Variants in LDHC observed in about 807,000 individuals in gnomAD.
LDHC encodes the protein lactate dehydrogenase C, also known as L-lactate dehydrogenase C chain.
A neutral mutation model predicts 30.2 loss-of-function variants in LDHC; 20 were observed. That is an observed-to-expected ratio of 0.66 (90% CI 0.47 to 0.96). The LOEUF is 0.96. LDHC is among the 40% of genes least tolerant of loss of function. The pLI is 0.00. For missense variants in LDHC, 362 were observed against 394.9 expected (o/e 0.92, Z 0.71); for synonymous variants, 139 against 132.7 (o/e 1.05, Z -0.32).
At chr11:18,428,040 C>T (rs1472818741) in intron 3 of LDHC, among the ~76,000 whole-genome samples, 1 of 151,586 alleles carries the variant, frequency 6.6e-6, no homozygotes, top group Non-Finnish European at 1.5e-5. Flanking sequence ...GCAGGAAAAA[C>T]AACAGTGTTC....
intron 3 of LDHC, among the ~76,000 whole-genome samples, chr11:18,424,901 G>A (rs1019443076): frequency 6.6e-6 from 1 of 151,968 alleles, no homozygotes; most frequent in Non-Finnish European, 1.5e-5. Context: ...CCAGCTACTC[G>A]GGAGGCTGAG....
At chr11:18,432,322 A>T (rs1439563595) in intron 4 of LDHC, among the ~76,000 whole-genome samples, 1 of 152,172 alleles carries the variant, frequency 6.6e-6, no homozygotes, top group Non-Finnish European at 1.5e-5. Flanking sequence ...CTGTGGTCTG[A>T]GAGTGCTTGA....
At chr11:18,426,029 A>G (rs66496958) in intron 3 of LDHC, among the ~76,000 whole-genome samples, 2,321 of 133,996 alleles carry the variant, frequency 0.017, 49 homozygotes, top group African/African-American at 0.066. Flanking sequence ...ATTAGCCACA[A>G]TTTTTTTTTT....
intron 3 of LDHC, among the ~76,000 whole-genome samples, chr11:18,424,612 A>G (rs1848129224): frequency 6.6e-6 from 1 of 152,234 alleles, no homozygotes; most frequent in South Asian, 2.1e-4. Flanking sequence ...CACAGCAGTG[A>G]AAATGAAGAA....
intron 4 of LDHC, among the ~76,000 whole-genome samples, chr11:18,430,738 A>G (rs575346956): frequency 1.3e-5 from 2 of 152,326 alleles, no homozygotes; most frequent in African/African-American, 4.8e-5. Flanking sequence ...GTTTTGGGCT[A>G]TTATGAGTGA....
chr11:18,424,922 C>T (rs112320979), intron 3 of LDHC, among the ~76,000 whole-genome samples: 22,737 of 152,136 alleles, frequency 0.15, 1,882 homozygotes, highest in African/African-American at 0.21. Context: ...GCAGGAGAAT[C>T]GCTTGAACCT....
rs762530928 is a variant in LDHC at position 18,436,481 on chromosome 11, G to GATTTT, written c.592+1568_592+1569insATTTT. 1.4e-3 allele frequency among the ~76,000 whole-genome samples: 149 copies of GATTTT among 108,162 alleles called. 1 individual carries two copies. The highest frequency in any genetic ancestry group is 6.8e-3 in the Middle Eastern group (1 of 146). 71.0% of individuals were successfully genotyped at this position (108,162 alleles called of 152,430 possible). ...TTACTCTCCTTTGGGATAATACAAA[G>GATTTT]TTTTTTTTTTTTTTTTTTTTTTGAG... On this transcript the variant is annotated intron_variant, in intron 5 of 7. Transcript: ENST00000541669.
At chr11:18,424,241 G>A (rs1042075670) in intron 3 of LDHC, among the ~76,000 whole-genome samples, 5 of 152,078 alleles carry the variant, frequency 3.3e-5, no homozygotes, top group Admixed American at 6.6e-5. Flanking sequence ...AATTAGCCGG[G>A]CATGGTGGTG....
chr11:18,415,066 C>A (rs1866982100), intron 2 of LDHC, 118 bp from the exon 3 acceptor site: 2 of 561,198 alleles, frequency 3.6e-6, no homozygotes, highest in Middle Eastern at 4.3e-4. Flanking sequence ...ATTTTTATAT[C>A]ATTTTTCCCT....
At chr11:18,415,118 A>C in intron 2 of LDHC, 66 bp from the exon 3 acceptor site, 1 of 818,362 alleles carries the variant, frequency 1.2e-6, no homozygotes, top group Non-Finnish European at 2.0e-6. Context: ...TAGCCACATG[A>C]AAATTCTTCT....
chr11:18,436,104 C>T (rs1458000124), intron 5 of LDHC, among the ~76,000 whole-genome samples: 2 of 152,100 alleles, frequency 1.3e-5, no homozygotes, highest in Non-Finnish European at 2.9e-5. Flanking sequence ...ATAACAAATA[C>T]TTTATTTGAT....
rs557136321 is a variant in LDHC at position 18,449,428 on chromosome 11, T to TAAAAAAAAAAAAAA, written c.835-1515_835-1502dup. On this transcript the variant is annotated intron_variant, in intron 7 of 7. Transcript: ENST00000541669. ...GGTGACACAGCGAGACACTGTCTCC[T>TAAAAAAAAAAAAAA]AAAAAAAAAAAAAAAAAAAAAAAAA... 2.7e-4 allele frequency among the ~76,000 whole-genome samples: 13 copies of TAAAAAAAAAAAAAA among 48,450 alleles called. 1 individual carries two copies. Among genetic ancestry groups the TAAAAAAAAAAAAAA allele is most frequent in the African/African-American group, 1.1e-3 (13 of 12,008 alleles). The allele number at this position is 48,450 out of a possible 152,430, so 31.8% of individuals were successfully genotyped here.
At chr11:18,449,035 G>A (rs1806734766) in intron 7 of LDHC, among the ~76,000 whole-genome samples, 1 of 152,024 alleles carries the variant, frequency 6.6e-6, no homozygotes, top group Admixed American at 6.6e-5. Context: ...TCCAGTCTGA[G>A]GTGCCTCTTC....
In LDHC at chr11:18,446,339, C is replaced by A; in HGVS notation, c.834+6C>A. The A allele has an allele frequency of 6.3e-7, 1 of 1,595,318 alleles. No individual in the cohort carries two copies. The highest frequency in any genetic ancestry group is 8.6e-7 in the Non-Finnish European group (1 of 1,163,612). On this transcript the variant is annotated splice_donor_region_variant and intron_variant, in intron 7 of 7. Transcript: ENST00000541669. ...CAGTTTCCACCATGGTTAAGGTAGG[C>A]TTAAATTAAATCTTCATTTATCATT...
At chr11:18,431,792 C>G (rs1848271187) in intron 4 of LDHC, among the ~76,000 whole-genome samples, 1 of 152,166 alleles carries the variant, frequency 6.6e-6, no homozygotes, top group Non-Finnish European at 1.5e-5. Context: ...CTCAGGTGAT[C>G]CACCTGCCTC....
chr11:18,430,776 A>T (rs1848252008), intron 4 of LDHC, among the ~76,000 whole-genome samples: 1 of 152,170 alleles, frequency 6.6e-6, no homozygotes. Context: ...GTATGTAAGT[A>T]TTTGTGTGGT....
intron 6 of LDHC, among the ~76,000 whole-genome samples, chr11:18,444,616 A>ATG (rs1848521421): frequency 2.3e-5 from 1 of 42,848 alleles, no homozygotes; most frequent in African/African-American, 1.4e-4. Flanking sequence ...ATATATATAT[A>ATG]TATATATATA....
chr11:18,439,836 A>AAAAAC (rs760393088), intron 6 of LDHC, among the ~76,000 whole-genome samples: 20 of 137,482 alleles, frequency 1.5e-4, no homozygotes, highest in African/African-American at 5.3e-4. Flanking sequence ...AAAAAAAAAA[A>AAAAAC]CAAAAATTAG....
Position 18,434,724 on chromosome 11 carries a change from A to G in LDHC, c.419-16A>G. On this transcript the variant is annotated splice_polypyrimidine_tract_variant and intron_variant, in intron 4 of 7. Transcript: ENST00000541669. ...TTATGATGAATCTTTTTCTAACACA[A>G]AATTTTTCTTCTTAGTGGATATTTT... 6.5e-7 allele frequency: 1 copy of G among 1,533,654 alleles called. No homozygotes were observed. The highest frequency in any genetic ancestry group is 8.9e-7 in the Non-Finnish European group (1 of 1,122,452).
Sources: gnomAD v4.1 joint callset for allele counts (sites outside exome capture counted in the v4.1 genomes callset) on GRCh38, gnomAD v4.1.1 for gene constraint, MANE v1.5 for transcripts, NCBI Gene and HGNC (gene_info 2026-07-23, HGNC 2026-07-21) for gene names.